RFT1: variants seen among roughly 807,000 people sequenced by gnomAD.
RFT1 encodes RFT1 glycolipid translocator homolog.
RFT1 carries 43 observed loss-of-function variants against 62.2 expected under a neutral mutation model. The observed-to-expected ratio is 0.69, with a 90% CI of 0.54 to 0.89. RFT1 has a LOEUF of 0.89. Among genes scored for constraint, RFT1 ranks in the 40% least tolerant of loss-of-function variants. RFT1 has a pLI of 0.00. For missense variants in RFT1, 605 were observed against 649.9 expected (o/e 0.93, Z 0.75); for synonymous variants, 262 against 264.6 (o/e 0.99, Z 0.10).
intron 8 of RFT1, among the ~76,000 whole-genome samples, chr3:53,106,051 G>A (rs1036854828): frequency 1.3e-5 from 2 of 151,628 alleles, no homozygotes; most frequent in Non-Finnish European, 2.9e-5. Context: ...TGGGAAACAC[G>A]GAAAAACCCT....
chr3:53,105,425 C>T (rs12637287), intron 9 of RFT1, among the ~76,000 whole-genome samples: 2 of 143,162 alleles, frequency 1.4e-5, no homozygotes, highest in African/African-American at 5.4e-5. Flanking sequence ...GCCCCCCCCC[C>T]CAAAAAGAGT....
chr3:53,071,086 TCTCA>T, the RFT1 span, among the ~76,000 whole-genome samples: 10 of 151,530 alleles, frequency 6.6e-5, no homozygotes, highest in Non-Finnish European at 1.3e-4. Flanking sequence ...AGAGGTGGGG[TCTCA>T]CTAAGTTGCC....
intron 9 of RFT1, among the ~76,000 whole-genome samples, chr3:53,104,815 ACTCCTAGATTAAAAT>A (rs1427608515): frequency 2.6e-5 from 4 of 152,138 alleles, no homozygotes; most frequent in South Asian, 2.1e-4. Context: ...ACAACAAAAT[ACTCCTAGATTAAAAT>A]CTCTTCTTCT....
intron 2 of RFT1, among the ~76,000 whole-genome samples, 171 bp downstream of exon 2, chr3:53,125,738 C>T (rs1259062880): frequency 2.6e-5 from 4 of 152,228 alleles, no homozygotes; most frequent in Admixed American, 6.5e-5. Flanking sequence ...GCAACATCGC[C>T]TGCGCGTCCC....
At chr3:53,116,813 A>G (rs536351791) in intron 6 of RFT1, among the ~76,000 whole-genome samples, 1 of 151,880 alleles carries the variant, frequency 6.6e-6, no homozygotes, top group Non-Finnish European at 1.5e-5. Context: ...CATGTGGGCC[A>G]GGCTGGTTTC....
chr3:53,078,951 G>A, the RFT1 span, among the ~76,000 whole-genome samples: 1 of 152,212 alleles, frequency 6.6e-6, no homozygotes, highest in Non-Finnish European at 1.5e-5. Flanking sequence ...TCTGCAGATG[G>A]AGAAAAGGCA....
At chr3:53,124,628 C>T (rs1702059578) in intron 2 of RFT1, among the ~76,000 whole-genome samples, 2 of 152,244 alleles carry the variant, frequency 1.3e-5, no homozygotes, top group South Asian at 4.1e-4. Flanking sequence ...AAATCTGAGC[C>T]CCTAGGAGGA....
the RFT1 span, among the ~76,000 whole-genome samples, chr3:53,078,909 G>A: frequency 5.9e-5 from 9 of 152,190 alleles, no homozygotes; most frequent in African/African-American, 2.2e-4. Context: ...CAATGGCCCT[G>A]GAGCAAGAGT....
the RFT1 span, among the ~76,000 whole-genome samples, chr3:53,069,932 G>A: frequency 6.6e-6 from 1 of 152,224 alleles, no homozygotes; most frequent in Non-Finnish European, 1.5e-5. Flanking sequence ...TTGGGATGCT[G>A]TGTGTCTATG....
At chr3:53,081,377 A>G in the RFT1 span, among the ~76,000 whole-genome samples, 1 of 152,200 alleles carries the variant, frequency 6.6e-6, no homozygotes. Context: ...GCACAGCCAT[A>G]GAGGTGAGGT....
chr3:53,073,963 C>G, the RFT1 span, among the ~76,000 whole-genome samples: 1 of 152,174 alleles, frequency 6.6e-6, no homozygotes, highest in Admixed American at 6.5e-5. Context: ...ACTAATTGGA[C>G]GACTGGGAAA....
At chr3:53,082,692 C>T in the RFT1 span, among the ~76,000 whole-genome samples, 2 of 152,000 alleles carry the variant, frequency 1.3e-5, no homozygotes, top group Non-Finnish European at 2.9e-5. Flanking sequence ...TCACAGGTAA[C>T]ACCTGTAAAA....
Position 53,091,714 on chromosome 3 carries a change from C to A in RFT1, c.*189G>T, listed in dbSNP as rs1700991366. On this transcript the variant is annotated 3_prime_UTR_variant, in exon 13 of 13. Coordinates refer to ENST00000296292, the MANE Select transcript of RFT1 (RefSeq NM_052859.4). ...TTGGTCTTCACTTAAAAATGAAACT[C>A]CCCCCCCGCATTTCAGACTTCGAAT... 3 of 614,710 alleles carry A rather than the reference C, an allele frequency of 4.9e-6. No individual in the cohort carries two copies. The highest frequency in any genetic ancestry group is 8.8e-6 in the Non-Finnish European group (3 of 339,886). The allele number at this position is 614,710 out of a possible 1,614,324, so 38.1% of individuals were successfully genotyped here. A position where few individuals can be genotyped will look rare whatever the true frequency, so the allele number is the denominator to read the frequency against.
rs1009402496 is a variant in RFT1, at chr3:53,111,734, G to C, written c.775+96C>G. ...TTTCTGAAATTCTTCTGCCCCAGAG[G>C]CTCTGGACAGGTGGTCTGGACCCAG... On this transcript the variant is annotated intron_variant, in intron 7 of 12. Transcript: ENST00000296292. 8 of 995,020 alleles carry C rather than the reference G, an allele frequency of 8.0e-6. No homozygotes were observed. The African/African-American group carries it at 1.1e-4, about 14-fold the overall frequency. 61.6% of individuals were successfully genotyped at this position (995,020 alleles called of 1,614,324 possible).
At chr3:53,069,755 G>C in the RFT1 span, among the ~76,000 whole-genome samples, 12 of 152,192 alleles carry the variant, frequency 7.9e-5, no homozygotes, top group Non-Finnish European at 1.5e-4. Flanking sequence ...TCCCCGTAGA[G>C]AGCCTGGCAG....
Position 53,099,451 on chromosome 3 carries a change from G to C in RFT1, c.1138C>G (p.Leu380Val), listed in dbSNP as rs575508213. The change falls in exon 11 of 13, where the codon CTC becomes GTC. Residue 380 changes from leucine (L) to valine (V), a missense_variant. Physicochemically the swap from Leu to Val is conservative, Grantham distance 32 (BLOSUM62 1). Transcript: ENST00000296292. ...GTCACTCCATTGATGGCAAGCAGGA[G>C]AACATAGAGACAGTAGGAACGCAGC... is the stretch of plus-strand genomic sequence containing the variant. ...VLLRSYCLYV[L>V]LLAINGVTEC... The C allele has an allele frequency of 1.2e-5, 20 of 1,614,040 alleles. No homozygotes were observed. Among genetic ancestry groups the C allele is most frequent in the Non-Finnish European group, 1.7e-5 (20 of 1,179,978 alleles).
chr3:53,094,562 G>C (rs939453181), intron 11 of RFT1, among the ~76,000 whole-genome samples: 1 of 151,972 alleles, frequency 6.6e-6, no homozygotes, highest in African/African-American at 2.4e-5. Context: ...GTCAACTTCA[G>C]AACAAGCCAC....
chr3:53,083,760 T>C (rs562504625), downstream of RFT1, among the ~76,000 whole-genome samples: 239 of 152,272 alleles, frequency 1.6e-3, 2 homozygotes, highest in Non-Finnish European at 2.6e-3. Context: ...GGTTACAAAA[T>C]AAACAAATGC....
intron 2 of RFT1, among the ~76,000 whole-genome samples, chr3:53,124,769 C>G (rs969201071): frequency 4.6e-5 from 7 of 152,018 alleles, no homozygotes; most frequent in African/African-American, 1.7e-4. Flanking sequence ...CCCAGGAGTT[C>G]GAGACCAGCC....
Sources: gnomAD v4.1 joint callset for allele counts (sites outside exome capture counted in the v4.1 genomes callset) on GRCh38, gnomAD v4.1.1 for gene constraint, MANE v1.5 for transcripts, NCBI Gene and HGNC (gene_info 2026-07-23, HGNC 2026-07-21) for gene names.